Variants in CD44 observed in about 807,000 individuals in gnomAD.
CD44 encodes the protein CD44 antigen.
A neutral mutation model predicts 88.8 loss-of-function variants in CD44; 49 were observed. The observed-to-expected ratio is 0.55, with a 90% CI of 0.44 to 0.70. The LOEUF is 0.70. Ranked by LOEUF, CD44 falls within the 30% of genes least tolerant of loss-of-function variation. The pLI is 0.00. For synonymous variants in CD44, 325 were observed against 312.3 expected (o/e 1.04, Z -0.43); for missense variants, 883 against 913.8 (o/e 0.97, Z 0.43).
chr11:35,176,337 C>T (rs1220260891), intron 1 of CD44, among the ~76,000 whole-genome samples: 1 of 152,046 alleles, frequency 6.6e-6, no homozygotes, highest in East Asian at 1.9e-4. Flanking sequence ...CCACCGCGCC[C>T]GGCCTAATTT....
intron 1 of CD44, among the ~76,000 whole-genome samples, chr11:35,140,262 C>T (rs553846190): frequency 2.6e-5 from 4 of 152,286 alleles, no homozygotes; most frequent in South Asian, 2.1e-4. Context: ...GGAGGGGCTG[C>T]GTGTAAGGTA....
intron 3 of CD44, among the ~76,000 whole-genome samples, chr11:35,180,742 A>C (rs1292045008): frequency 6.6e-6 from 1 of 152,226 alleles, no homozygotes; most frequent in African/African-American, 2.4e-5. Context: ...ATCACACAAA[A>C]AAAATCTCAT....
intron 7 of CD44, among the ~76,000 whole-genome samples, chr11:35,199,314 A>T (rs575330351): frequency 6.6e-6 from 1 of 152,376 alleles, no homozygotes; most frequent in Non-Finnish European, 1.5e-5. Flanking sequence ...AGTTAAAAAC[A>T]TGCAAAGGTT....
rs766188974 is a variant in CD44 at position 35,186,819 on chromosome 11, T to C, written c.368-13T>C. 2 of 1,567,602 alleles carry C rather than the reference T, an allele frequency of 1.3e-6. No homozygotes were observed. The highest frequency in any genetic ancestry group is 2.2e-5 in the South Asian group (2 of 90,108). ...TTTTAAAGGGTTCTCATCCTTTTTT[T>C]CCTACCTCATAGCTCCACCTGAAGA... On this transcript the variant is annotated splice_polypyrimidine_tract_variant and intron_variant, in intron 3 of 17. Coordinates refer to ENST00000428726, the MANE Select transcript of CD44 (RefSeq NM_000610.4).
Position 35,190,360 on chromosome 11 carries a change from C to G in CD44, c.667+295C>G, listed in dbSNP as rs1591159914. On this transcript the variant is annotated intron_variant, in intron 5 of 17. Coordinates refer to ENST00000428726, the MANE Select transcript of CD44 (RefSeq NM_000610.4). ...CCTTATTCTCTTATCCCCAGGTATA[C>G]AGTAACAATTCAAGCCTGATATGAA... is the stretch of plus-strand genomic sequence containing the variant. The G allele has an allele frequency of 1.9e-5, 9 of 464,340 alleles. No individual in the cohort carries two copies. The East Asian group carries it at 3.4e-4, about 18-fold the overall frequency. The allele number at this position is 464,340 out of a possible 1,614,324, so 28.8% of individuals were successfully genotyped here. A position where few individuals can be genotyped will look rare whatever the true frequency, so the allele number is the denominator to read the frequency against.
In CD44 at chr11:35,167,849, G is replaced by A. The variant is rs1357843432; in HGVS notation, c.68-8726G>A. Among the ~76,000 whole-genome samples, 6 of 152,332 alleles carry A rather than the reference G, an allele frequency of 3.9e-5. No homozygotes were observed. The East Asian group carries it at 9.7e-4, about 25-fold the overall frequency. On this transcript the variant is annotated intron_variant, in intron 1 of 17. Coordinates refer to ENST00000428726, the MANE Select transcript of CD44 (RefSeq NM_000610.4). ...CAAGTCCTGGAGTCCTCTCCTAAGAGCCCTGCCTAATTGTAGAGAGAGCAT... is the reference window on the plus strand; with the variant it reads ...CAAGTCCTGGAGTCCTCTCCTAAGAACCCTGCCTAATTGTAGAGAGAGCAT...
intron 14 of CD44, chr11:35,214,538 T>A (rs1948668486): frequency 3.8e-6 from 1 of 261,806 alleles, no homozygotes; most frequent in African/African-American, 2.2e-5. Context: ...TTTGTTAGCA[T>A]GTTCCTTACC....
intron 1 of CD44, among the ~76,000 whole-genome samples, chr11:35,163,926 C>A (rs979959290): frequency 1.3e-5 from 2 of 152,070 alleles, no homozygotes; most frequent in Non-Finnish European, 2.9e-5. Flanking sequence ...CCTCTCTCAG[C>A]CTCAGTTTTC....
At chr11:35,184,962 T>C (rs1421690203) in intron 3 of CD44, among the ~76,000 whole-genome samples, 1 of 152,218 alleles carries the variant, frequency 6.6e-6, no homozygotes, top group Non-Finnish European at 1.5e-5. Flanking sequence ...TTTTATTGCA[T>C]GTTTCTCTGT....
chr11:35,163,807 T>C (rs913184793), intron 1 of CD44, among the ~76,000 whole-genome samples: 2 of 152,190 alleles, frequency 1.3e-5, no homozygotes, highest in Non-Finnish European at 2.9e-5. Flanking sequence ...TTCTGCTTCT[T>C]GTCTGTACCC....
At chr11:35,203,123 T>A (rs1264708675) in intron 9 of CD44, among the ~76,000 whole-genome samples, 1 of 152,212 alleles carries the variant, frequency 6.6e-6, no homozygotes, top group Non-Finnish European at 1.5e-5. Context: ...CTCAAAGGGA[T>A]CTGATTGGTG....
rs1053307327 is a variant in CD44 at position 35,186,049 on chromosome 11, C to A, written c.368-783C>A. Among the ~76,000 whole-genome samples, 10 of 103,736 alleles carry A rather than the reference C, an allele frequency of 9.6e-5. No individual in the cohort carries two copies. The Middle Eastern group carries it at 0.014, about 147-fold the overall frequency. 68.1% of individuals were successfully genotyped at this position (103,736 alleles called of 152,430 possible). A position where few individuals can be genotyped will look rare whatever the true frequency, so the allele number is the denominator to read the frequency against. ...GAAAGAGTAGAGGATAAAACGAGAA[C>A]AAGAGAAAAAAAAAACCAGAAATGC... is the stretch of plus-strand genomic sequence containing the variant. On this transcript the variant is annotated intron_variant, in intron 3 of 17. Transcript: ENST00000428726.
chr11:35,202,285 T>C (rs1947391871), intron 9 of CD44, among the ~76,000 whole-genome samples: 1 of 152,192 alleles, frequency 6.6e-6, no homozygotes. Flanking sequence ...GCTCTTATGG[T>C]CTTCATTTGA....
At chr11:35,148,088 T>A (rs1439782604) in intron 1 of CD44, among the ~76,000 whole-genome samples, 1 of 149,902 alleles carries the variant, frequency 6.7e-6, no homozygotes, top group African/African-American at 2.5e-5. Flanking sequence ...CGAAACTCGG[T>A]CTCAAAAAAA....
chr11:35,169,622 C>G (rs1235249232), intron 1 of CD44, among the ~76,000 whole-genome samples: 3 of 152,220 alleles, frequency 2.0e-5, no homozygotes, highest in Non-Finnish European at 2.9e-5. Context: ...ACACAGTGCT[C>G]TCTTCCCAGC....
rs1449191713 is a variant in CD44 at position 35,230,829 on chromosome 11, T to C, written c.*1496T>C. On this transcript the variant is annotated 3_prime_UTR_variant, in exon 18 of 18. Coordinates refer to ENST00000428726, the MANE Select transcript of CD44 (RefSeq NM_000610.4). ...CTTGTCATAGAAGCCATTGCATCTA[T>C]AAAGCAACGGCTCCTGTTAAATGGT... is the stretch of plus-strand genomic sequence containing the variant. 1 of 152,228 alleles carries C rather than the reference T, an allele frequency of 6.6e-6. No homozygotes were observed. Among genetic ancestry groups the C allele is most frequent in the African/African-American group, 2.4e-5 (1 of 41,450 alleles). 9.4% of individuals were successfully genotyped at this position (152,228 alleles called of 1,614,324 possible).
intron 17 of CD44, among the ~76,000 whole-genome samples, chr11:35,226,847 G>A (rs1420972292): frequency 6.7e-6 from 1 of 150,030 alleles, no homozygotes; most frequent in Non-Finnish European, 1.5e-5. Flanking sequence ...TCAAAACCAG[G>A]CCTTCCGAGC....
At chr11:35,179,370 C>T (rs1331457770) in intron 2 of CD44, among the ~76,000 whole-genome samples, 6 of 152,148 alleles carry the variant, frequency 3.9e-5, no homozygotes, top group African/African-American at 1.2e-4. Context: ...TTTTTTGAGG[C>T]ATTTTATATT....
At chr11:35,147,145 A>G (rs7115434) in intron 1 of CD44, among the ~76,000 whole-genome samples, 26,136 of 152,158 alleles carry the variant, frequency 0.17, 2,701 homozygotes, top group African/African-American at 0.29. Flanking sequence ...GATGAAAGGT[A>G]AAGGTGGCTG....
Sources: gnomAD v4.1 joint callset for allele counts (sites outside exome capture counted in the v4.1 genomes callset) on GRCh38, gnomAD v4.1.1 for gene constraint, MANE v1.5 for transcripts, NCBI Gene and HGNC (gene_info 2026-07-23, HGNC 2026-07-21) for gene names.